The following VLDLR variants were observed in gnomAD, a reference collection of about 807,000 sequenced individuals.
VLDLR encodes the protein very low density lipoprotein receptor.
VLDLR carries 81 observed loss-of-function variants against 112.7 expected under a neutral mutation model. The ratio of observed to expected loss-of-function variants is 0.72; its 90% CI spans 0.60 to 0.86. The LOEUF (loss-of-function observed/expected upper bound fraction) is 0.86, where lower values mean the gene tolerates loss of function less well. Among genes scored for constraint, VLDLR ranks in the 40% least tolerant of loss-of-function variants. The probability of loss-of-function intolerance (pLI) is 0.00; values close to 1 mark genes in which losing one functional copy is unlikely to be tolerated. For missense variants in VLDLR, 1,237 were observed against 1,099.4 expected (o/e 1.13, Z -1.77); for synonymous variants, 436 against 384.8 (o/e 1.13, Z -1.56).
chr9:2,652,727 G>T, intron 17 of VLDLR, 53 bp from the exon 18 acceptor site: 4 of 1,609,186 alleles, frequency 2.5e-6, no homozygotes, highest in South Asian at 2.2e-5. Flanking sequence ...TACCTTTCTT[G>T]TATGTTCCAA....
chr9:2,638,308 C>G (rs907373263), intron 2 of VLDLR, among the ~76,000 whole-genome samples: 1 of 152,188 alleles, frequency 6.6e-6, no homozygotes, highest in Non-Finnish European at 1.5e-5. Context: ...ATCACTGTCT[C>G]TCTCCTTTAC....
At chr9:2,644,547 G>C (rs1817984251) in intron 7 of VLDLR, among the ~76,000 whole-genome samples, 187 bp from the exon 8 acceptor site, 1 of 151,898 alleles carries the variant, frequency 6.6e-6, no homozygotes, top group South Asian at 2.1e-4. Context: ...TGACCAGCTG[G>C]TAACTTGCCG....
At chr9:2,644,455 C>A (rs897940553) in intron 7 of VLDLR, among the ~76,000 whole-genome samples, 32 of 151,730 alleles carry the variant, frequency 2.1e-4, no homozygotes, top group African/African-American at 7.3e-4. Flanking sequence ...AGGCATGAGC[C>A]ACCGCGCCCG....
chr9:2,626,906 G>C (rs1817116044), intron 1 of VLDLR, among the ~76,000 whole-genome samples: 1 of 152,202 alleles, frequency 6.6e-6, no homozygotes, highest in Admixed American at 6.5e-5. Context: ...TCTTAAGAAA[G>C]ACTTCCCCAC....
Position 2,654,822 on chromosome 9 carries a change from A to G in VLDLR, c.*954A>G, listed in dbSNP as rs1331162100. 4 of 152,056 alleles carry G rather than the reference A, an allele frequency of 2.6e-5. No homozygotes were observed. Among genetic ancestry groups the G allele is most frequent in the African/African-American group, 4.8e-5 (2 of 41,396 alleles). The allele number at this position is 152,056 out of a possible 1,614,324, so 9.4% of individuals were successfully genotyped here. On this transcript the variant is annotated 3_prime_UTR_variant, in exon 19 of 19. Coordinates refer to ENST00000382100, the MANE Select transcript of VLDLR (RefSeq NM_003383.5). ...CTTTATAGTTAAGTCTCTGTTTTCC[A>G]TGTTCTGTCATTTATATAGGTCAAG...
chr9:2,649,097 A>G (rs535335357), intron 14 of VLDLR, among the ~76,000 whole-genome samples: 3 of 152,272 alleles, frequency 2.0e-5, no homozygotes, highest in Admixed American at 1.3e-4. Flanking sequence ...TGCCAAGACT[A>G]TTGCAGTAGC....
chr9:2,644,959 A>G lies in VLDLR; in HGVS notation c.1189A>G (p.Ile397Val), dbSNP rs1443430075. The change falls in exon 9 of 19, where the codon ATT (isoleucine) becomes GTT (valine). Residue 397 changes from isoleucine (I) to valine (V), a missense_variant and splice_region_variant. Coordinates refer to ENST00000382100, the MANE Select transcript of VLDLR (RefSeq NM_003383.5). ...ELIDRKTCGD[I>V]DECQNPGICS... ...ACTAATTCTGATTTCCCTCCCAGAT[A>G]TTGATGAATGCCAAAATCCAGGAAT... The G allele has an allele frequency of 2.5e-6, 4 of 1,614,092 alleles. No individual in the cohort carries two copies. The highest frequency in any genetic ancestry group is 3.4e-6 in the Non-Finnish European group (4 of 1,180,046).
intron 1 of VLDLR, among the ~76,000 whole-genome samples, chr9:2,630,882 G>A (rs1000428625): frequency 1.2e-4 from 19 of 152,138 alleles, no homozygotes; most frequent in Non-Finnish European, 1.8e-4. Flanking sequence ...TCAACAAAGT[G>A]AAGAACAACC....
In VLDLR at chr9:2,652,792, T is replaced by C. The variant is rs561039600; in HGVS notation, c.2429T>C (p.Met810Thr). 7.4e-6 allele frequency: 12 copies of C among 1,614,130 alleles called. 1 individual carries two copies. The South Asian group carries it at 1.2e-4, about 16-fold the overall frequency. ...WAILPLLLLV[M>T]AAVGGYLMWR... ...TGATTTTTTTCAGTGCTCTTAGTGA[T>C]GGCAGCAGTAGGTGGCTACTTGATG... The change falls in exon 18 of 19, where the codon ATG (methionine) becomes ACG (threonine). Residue 810 changes from methionine to threonine, a missense_variant. Met to Thr is a moderately conservative substitution (Grantham distance 81, BLOSUM62 -1). Coordinates refer to ENST00000382100, the MANE Select transcript of VLDLR (RefSeq NM_003383.5).
Position 2,645,507 on chromosome 9 carries a change from G to A in VLDLR, c.1313-67G>A, listed in dbSNP as rs148214719. On this transcript the variant is annotated intron_variant, in intron 9 of 18. Coordinates refer to ENST00000382100, the MANE Select transcript of VLDLR (RefSeq NM_003383.5). ...TTTTCTAAGTGCTCCTCTGCTGGGA[G>A]GAGGTGGTTTAGAAAGACCTTGCCT... is the stretch of plus-strand genomic sequence containing the variant. 1.4e-3 allele frequency: 2,146 copies of A among 1,568,622 alleles called. 32 individuals are homozygous for A. In the African/African-American group the frequency reaches 0.023, roughly 16 times the overall value.
rs569797036 is a variant in VLDLR at position 2,643,944 on chromosome 9, C to T, written c.1051C>T (p.Pro351Ser). The change falls in exon 7 of 19, where the codon CCC becomes TCC. Residue 351 changes from proline (P) to serine (S), a missense_variant. Transcript: ENST00000382100. Reference protein sequence around the residue: ...EQDCRDWSDEPLKECHINECL... With the variant: ...EQDCRDWSDESLKECHINECL... ...GGACTGCAGGGACTGGAGTGATGAG[C>T]CCCTGAAAGAGTGTCGTAAGTGTAC... The T allele has an allele frequency of 3.7e-6, 6 of 1,614,014 alleles. No homozygotes were observed. The highest frequency in any genetic ancestry group is 5.1e-6 in the Non-Finnish European group (6 of 1,180,016).
At chr9:2,623,950 C>A (rs1303864604) in intron 1 of VLDLR, among the ~76,000 whole-genome samples, 1 of 152,154 alleles carries the variant, frequency 6.6e-6, no homozygotes, top group Non-Finnish European at 1.5e-5. Context: ...AGTGCCATGA[C>A]TTGCATTATG....
At chr9:2,637,557 T>C (rs1817644976) in intron 2 of VLDLR, among the ~76,000 whole-genome samples, 1 of 152,224 alleles carries the variant, frequency 6.6e-6, no homozygotes, top group Admixed American at 6.5e-5. Context: ...GAGAGAACCA[T>C]ACGGCAATTT....
rs1333255498 is a variant in VLDLR at position 2,621,814 on chromosome 9, G to T, written c.-376G>T. On this transcript the variant is annotated 5_prime_UTR_variant, in exon 1 of 19. Transcript: ENST00000382100. The stretch of plus-strand genomic sequence containing the variant: ...CCCGCTCTCCGGCCGCCGCCGGTGC[G>T]GGTGCTCCGCTACCGGCTCCTCTCC... 1.0e-5 allele frequency: 5 copies of T among 486,874 alleles called. No individual in the cohort carries two copies. Among genetic ancestry groups the T allele is most frequent in the Non-Finnish European group, 2.0e-5 (5 of 254,250 alleles). The allele number at this position is 486,874 out of a possible 1,614,324, so 30.2% of individuals were successfully genotyped here.
chr9:2,643,445 A>T lies in VLDLR; in HGVS notation c.734A>T (p.Gln245Leu). 1 of 1,614,194 alleles carries T rather than the reference A, an allele frequency of 6.2e-7. No homozygotes were observed. The highest frequency in any genetic ancestry group is 2.2e-5 in the East Asian group (1 of 44,878). ...ACCAAGTGTCCAGCCAGCGAAATCC[A>T]GTGCGGCTCTGGCGAGTGCATCCAT... is the stretch of plus-strand genomic sequence containing the variant. The part of the protein sequence containing the change: ...IHTKCPASEI[Q>L]CGSGECIHKK... Residue 245 changes from glutamine (Q) to leucine (L), a missense_variant, in exon 5 of 19, where the codon CAG becomes CTG. Physicochemically the swap from Gln to Leu is moderately radical, Grantham distance 113. Coordinates refer to ENST00000382100, the MANE Select transcript of VLDLR (RefSeq NM_003383.5).
At chr9:2,652,023 C>G in intron 17 of VLDLR, 69 bp downstream of exon 17, 2 of 1,455,778 alleles carry the variant, frequency 1.4e-6, no homozygotes, top group Non-Finnish European at 1.9e-6. Flanking sequence ...TTTTGTTCAT[C>G]TGGAGCTACC....
In VLDLR at chr9:2,652,803, G is replaced by A; in HGVS notation, c.2440G>A (p.Gly814Ser). The A allele has an allele frequency of 6.2e-7, 1 of 1,614,076 alleles. No homozygotes were observed. The highest frequency in any genetic ancestry group is 1.1e-5 in the South Asian group (1 of 91,072). ...AGTGCTCTTAGTGATGGCAGCAGTA[G>A]GTGGCTACTTGATGTGGCGGAATTG... ...PLLLLVMAAV[G>S]GYLMWRNWQH... Residue 814 changes from glycine to serine, a missense_variant, in exon 18 of 19, where the codon GGT becomes AGT. By Grantham distance (56) the Gly-to-Ser change is moderately conservative. Coordinates refer to ENST00000382100, the MANE Select transcript of VLDLR (RefSeq NM_003383.5).
chr9:2,623,437 T>G (rs1198677114), intron 1 of VLDLR, among the ~76,000 whole-genome samples: 1 of 148,812 alleles, frequency 6.7e-6, no homozygotes, highest in African/African-American at 2.4e-5. Flanking sequence ...CGTTCCAGAG[T>G]CCCTGGCTCC....
chr9:2,639,980 C>T lies in VLDLR; in HGVS notation c.324C>T (p.Cys108=). 6.2e-7 allele frequency: 1 copy of T among 1,614,160 alleles called. No homozygotes were observed. The highest frequency in any genetic ancestry group is 1.3e-5 in the African/African-American group (1 of 75,034). The change falls in exon 3 of 19, where the codon TGC becomes TGT. Residue 108 remains cysteine, a splice_region_variant and synonymous_variant. Transcript: ENST00000382100. The part of the protein sequence containing the change: ...EDGSDESPEQ[C]HMRTCRIHEI... ...GTTCAGATGAAAGCCCAGAACAGTG[C>T]CGTGAGTGTAACTTGCTTTGGCCTT...
Sources: gnomAD v4.1 joint callset for allele counts (sites outside exome capture counted in the v4.1 genomes callset) on GRCh38, gnomAD v4.1.1 for gene constraint, MANE v1.5 for transcripts, NCBI Gene and HGNC (gene_info 2026-07-23, HGNC 2026-07-21) for gene names.